The following SIDT1 variants were observed in gnomAD, a reference collection of about 807,000 sequenced individuals.
SIDT1 encodes the protein SID1 transmembrane family member 1.
SIDT1 carries 101 observed loss-of-function variants against 107.5 expected under a neutral mutation model. The ratio of observed to expected loss-of-function variants is 0.94; its 90% confidence interval spans 0.80 to 1.11. The LOEUF is 1.11. SIDT1 is among the 50% of genes least tolerant of loss of function. The pLI is 0.00. For synonymous variants in SIDT1, 395 were observed against 398.2 expected, an observed-to-expected ratio of 0.99 and a Z score of 0.10; for missense variants, 1,076 against 1,058.2, an observed-to-expected ratio of 1.02 and a Z score of -0.23.
chr3:113,634,729 A>C, the SIDT1 span, among the ~76,000 whole-genome samples: 2 of 152,156 alleles, frequency 1.3e-5, no homozygotes, highest in Non-Finnish European at 1.5e-5. Flanking sequence ...TCTTGAACCC[A>C]GGAGGCGTAG....
chr3:113,613,550 G>A (rs1276659264), intron 19 of SIDT1, among the ~76,000 whole-genome samples: 1 of 152,194 alleles, frequency 6.6e-6, no homozygotes, highest in African/African-American at 2.4e-5. Context: ...TTTACCTTTG[G>A]CATGAACATA....
intron 21 of SIDT1, among the ~76,000 whole-genome samples, chr3:113,622,528 A>G (rs1027510227): frequency 6.6e-6 from 1 of 151,730 alleles, no homozygotes; most frequent in Non-Finnish European, 1.5e-5. Context: ...ATTATGTAAT[A>G]AAGGACATAT....
At chr3:113,627,156 C>A (rs1339069814) in intron 24 of SIDT1, among the ~76,000 whole-genome samples, 1 of 152,166 alleles carries the variant, frequency 6.6e-6, no homozygotes, top group Non-Finnish European at 1.5e-5. Context: ...CTCTATCCAA[C>A]AGGACTTTAT....
intron 9 of SIDT1, among the ~76,000 whole-genome samples, chr3:113,586,961 A>C (rs1943786564): frequency 1.3e-5 from 2 of 152,234 alleles, no homozygotes; most frequent in Admixed American, 1.3e-4. Context: ...CTTACATTAC[A>C]CTAGCAGAAA....
intron 1 of SIDT1, among the ~76,000 whole-genome samples, chr3:113,565,892 T>C (rs183980331): frequency 6.6e-6 from 1 of 152,330 alleles, no homozygotes; most frequent in Non-Finnish European, 1.5e-5. Context: ...TTTTCAGCAA[T>C]TGAAGTTCTC....
chr3:113,545,434 A>C (rs1939483692), intron 1 of SIDT1, among the ~76,000 whole-genome samples: 1 of 152,204 alleles, frequency 6.6e-6, no homozygotes, highest in African/African-American at 2.4e-5. Context: ...CATTTACATT[A>C]AAATCTTGTT....
At chr3:113,612,300 C>A in intron 19 of SIDT1, 106 bp downstream of exon 19, 1 of 801,490 alleles carries the variant, frequency 1.2e-6, no homozygotes, top group Non-Finnish European at 2.2e-6. Flanking sequence ...TCACCGTGAA[C>A]ACATGCTCTG....
chr3:113,565,541 A>G (rs1205936463), intron 1 of SIDT1, among the ~76,000 whole-genome samples: 1 of 152,194 alleles, frequency 6.6e-6, no homozygotes, highest in Admixed American at 6.5e-5. Flanking sequence ...AGAAAAAAAA[A>G]GAGAGAGAGG....
chr3:113,569,928 A>T (rs993619981), intron 3 of SIDT1, among the ~76,000 whole-genome samples: 1 of 152,146 alleles, frequency 6.6e-6, no homozygotes, highest in African/African-American at 2.4e-5. Flanking sequence ...ATTTTTTGAG[A>T]CCGAGTCTTG....
intron 10 of SIDT1, among the ~76,000 whole-genome samples, chr3:113,600,217 G>A (rs1944861764): frequency 6.6e-6 from 1 of 152,072 alleles, no homozygotes; most frequent in South Asian, 2.1e-4. Context: ...GGCCGAGGCA[G>A]GAGAATCGCT....
chr3:113,577,819 G>A lies in SIDT1; in HGVS notation c.561+852G>A, dbSNP rs113871111. Among the ~76,000 whole-genome samples, 196 of 152,332 alleles carry A rather than the reference G, an allele frequency of 1.3e-3. 1 individual carries two copies. The highest frequency in any genetic ancestry group is 1.1e-3 in the Non-Finnish European group (77 of 68,038). ...TTGTAAATATACTACTGCGGTGCTG[G>A]TAAATAGTTAAGAACTGGTTCTCAG... On this transcript the variant is annotated intron_variant, in intron 4 of 24. Transcript: ENST00000264852.
At chr3:113,620,665 T>A (rs973808369) in intron 21 of SIDT1, among the ~76,000 whole-genome samples, 2 of 152,152 alleles carry the variant, frequency 1.3e-5, no homozygotes, top group Non-Finnish European at 2.9e-5. Flanking sequence ...TGCCTCAGGA[T>A]AAGATGTATA....
chr3:113,560,959 G>A (rs778290051), intron 1 of SIDT1, among the ~76,000 whole-genome samples: 33 of 152,120 alleles, frequency 2.2e-4, no homozygotes, highest in Admixed American at 1.6e-3. Flanking sequence ...CTCTTAGCTA[G>A]CTATAATTCA....
At chr3:113,587,008 A>C (rs1943790106) in intron 9 of SIDT1, among the ~76,000 whole-genome samples, 1 of 152,230 alleles carries the variant, frequency 6.6e-6, no homozygotes, top group Non-Finnish European at 1.5e-5. Context: ...TCAATTGACA[A>C]AACTGGAATA....
chr3:113,597,659 T>G (rs1944669900), intron 10 of SIDT1, among the ~76,000 whole-genome samples: 1 of 152,108 alleles, frequency 6.6e-6, no homozygotes, highest in South Asian at 2.1e-4. Flanking sequence ...GAAATGAAAT[T>G]TTTCTCCTCA....
At chr3:113,541,802 A>AAATAAAATT (rs1938906300) in intron 1 of SIDT1, among the ~76,000 whole-genome samples, 1 of 151,968 alleles carries the variant, frequency 6.6e-6, no homozygotes, top group South Asian at 2.1e-4. Context: ...GCAAAAGTGA[A>AAATAAAATT]AATAAAATTT....
intron 1 of SIDT1, 82 bp from the exon 2 acceptor site, chr3:113,566,338 T>TTGTGTGTGTGTGTGTGTGTG (rs55802002): frequency 1.0e-6 from 1 of 966,394 alleles, no homozygotes; most frequent in African/African-American, 1.7e-5. Flanking sequence ...TTGTGTGTGT[T>TTGTGTGTGTGTGTGTGTGTG]TGTGTGTGTG....
In SIDT1 at chr3:113,611,065, G is replaced by T; in HGVS notation, c.1778G>T (p.Arg593Leu). The change falls in exon 18 of 25, where the codon CGC becomes CTC. Residue 593 changes from arginine (R) to leucine (L), a missense_variant. Coordinates refer to ENST00000264852, the MANE Select transcript of SIDT1 (RefSeq NM_017699.3). ...TGCATGCTGAAGCTCTATCAGACCC[G>T]CCACCCAGACATCAATGCCAGCGCC... ...GLCMLKLYQT[R>L]HPDINASAYS... 1 of 1,613,902 alleles carries T rather than the reference G, an allele frequency of 6.2e-7. No individual in the cohort carries two copies. Among genetic ancestry groups the T allele is most frequent in the Non-Finnish European group, 8.5e-7 (1 of 1,179,966 alleles).
chr3:113,556,233 A>G (rs962121543), intron 1 of SIDT1, among the ~76,000 whole-genome samples: 2 of 152,262 alleles, frequency 1.3e-5, no homozygotes, highest in Admixed American at 1.3e-4. Flanking sequence ...AGGCTGAATC[A>G]GACCACAGGA....
Sources: allele counts gnomAD v4.1 joint callset (sites outside exome capture counted in the v4.1 genomes callset), GRCh38; gene constraint gnomAD v4.1.1; transcripts MANE v1.5; gene names NCBI Gene and HGNC (gene_info 2026-07-23, HGNC 2026-07-21).